The following ZNF148 variants were observed in gnomAD, a reference collection of about 807,000 sequenced individuals.
The protein encoded by ZNF148 is zinc finger protein 148.
ZNF148 carries 7 observed loss-of-function variants against 67.7 expected under a neutral mutation model. The ratio of observed to expected loss-of-function variants is 0.10; its 90% CI spans 0.06 to 0.19. ZNF148 has a LOEUF of 0.19. Among genes scored for constraint, ZNF148 ranks in the 10% least tolerant of loss-of-function variants. ZNF148 has a pLI of 1.00. For missense variants in ZNF148, 583 were observed against 947.1 expected (o/e 0.62, Z 5.05); for synonymous variants, 333 against 330.7 (o/e 1.01, Z -0.08).
intron 1 of ZNF148, chr3:125,344,540 G>A: frequency 9.1e-7 from 1 of 1,100,456 alleles, no homozygotes; most frequent in South Asian, 1.2e-5. Context: ...AACTCAAATG[G>A]ACTGTCAAAA....
At chr3:125,254,499 C>T (rs1312759716) in intron 7 of ZNF148, among the ~76,000 whole-genome samples, 3 of 152,186 alleles carry the variant, frequency 2.0e-5, no homozygotes, top group Non-Finnish European at 2.9e-5. Context: ...CTATGTGAAT[C>T]TGTCTACTTC....
chr3:125,297,573 T>C (rs1192562673), intron 4 of ZNF148, among the ~76,000 whole-genome samples: 2 of 151,116 alleles, frequency 1.3e-5, no homozygotes, highest in Non-Finnish European at 2.9e-5. Context: ...AGAAACAACC[T>C]ACTAGAAAAT....
intron 1 of ZNF148, among the ~76,000 whole-genome samples, chr3:125,333,366 A>C (rs901399635): frequency 6.6e-6 from 1 of 152,224 alleles, no homozygotes; most frequent in Non-Finnish European, 1.5e-5. Context: ...GAAATTCTGG[A>C]ATGTCTTTCC....
chr3:125,228,242 G>C lies in ZNF148; in HGVS notation c.*4099C>G, dbSNP rs1310675656. 1 of 152,576 alleles carries C rather than the reference G, an allele frequency of 6.6e-6. No homozygotes were observed. Among genetic ancestry groups the C allele is most frequent in the Non-Finnish European group, 1.5e-5 (1 of 68,028 alleles). 9.5% of individuals were successfully genotyped at this position (152,576 alleles called of 1,614,324 possible). On this transcript the variant is annotated 3_prime_UTR_variant, in exon 9 of 9. Coordinates refer to ENST00000360647, the MANE Select transcript of ZNF148 (RefSeq NM_021964.3). Reference sequence around the variant, plus strand: ...AAAAAAAACCACATCCCTTCCTTCAGTGTGATGGGCACTAAGTTTTGCGGT... The same window carrying C: ...AAAAAAAACCACATCCCTTCCTTCACTGTGATGGGCACTAAGTTTTGCGGT...
At chr3:125,333,025 C>T (rs1941351529) in intron 1 of ZNF148, among the ~76,000 whole-genome samples, 1 of 152,160 alleles carries the variant, frequency 6.6e-6, no homozygotes, top group South Asian at 2.1e-4. Flanking sequence ...TCACATTATG[C>T]ATTTTAACAT....
rs144891753 is a variant in ZNF148 at position 125,344,021 on chromosome 3, A to G, written c.-233-12783T>C. ...AATGTTCAAAAAAAATGTTCCTGTT[A>G]ATCTTCAAATGGTGCTTGTTATAGT... On this transcript the variant is annotated intron_variant, in intron 1 of 8. Transcript: ENST00000360647. 8.4e-5 allele frequency: 14 copies of G among 166,848 alleles called. 1 individual carries two copies. The East Asian group carries it at 2.6e-3, about 31-fold the overall frequency. 10.3% of individuals were successfully genotyped at this position (166,848 alleles called of 1,614,324 possible). A position where few individuals can be genotyped will look rare whatever the true frequency, so the allele number is the denominator to read the frequency against.
intron 7 of ZNF148, among the ~76,000 whole-genome samples, chr3:125,273,249 C>T (rs1054885204): frequency 1.3e-5 from 2 of 152,112 alleles, no homozygotes; most frequent in Non-Finnish European, 2.9e-5. Flanking sequence ...CTATTTAATA[C>T]AGCTATTTAA....
chr3:125,289,159 C>T (rs1938868921), intron 4 of ZNF148, among the ~76,000 whole-genome samples: 1 of 152,104 alleles, frequency 6.6e-6, no homozygotes, highest in South Asian at 2.1e-4. Flanking sequence ...CAGTAAAGAT[C>T]CTTGAGAATA....
At chr3:125,316,395 AT>A (rs1940494380) in intron 3 of ZNF148, among the ~76,000 whole-genome samples, 2 of 152,290 alleles carry the variant, frequency 1.3e-5, no homozygotes, top group South Asian at 4.1e-4. Flanking sequence ...TGCTAGCTCA[AT>A]TTTTAGTTTT....
At chr3:125,235,740 C>T (rs1936055574) in intron 7 of ZNF148, among the ~76,000 whole-genome samples, 1 of 151,894 alleles carries the variant, frequency 6.6e-6, no homozygotes, top group Non-Finnish European at 1.5e-5. Flanking sequence ...GAAAATGTGG[C>T]ACATATACAC....
intron 5 of ZNF148, among the ~76,000 whole-genome samples, chr3:125,287,273 T>A (rs1048750312): frequency 6.6e-6 from 1 of 152,138 alleles, no homozygotes; most frequent in African/African-American, 2.4e-5. Context: ...AATGCAAATA[T>A]GCTGCAGAGA....
intron 7 of ZNF148, among the ~76,000 whole-genome samples, chr3:125,260,394 T>C (rs1028684010): frequency 1.3e-5 from 2 of 152,124 alleles, no homozygotes; most frequent in Admixed American, 1.3e-4. Context: ...CCCAGCAATA[T>C]CACTCCAAGG....
intron 3 of ZNF148, 85 bp from the exon 4 acceptor site, chr3:125,313,741 AC>A: frequency 9.4e-7 from 1 of 1,058,614 alleles, no homozygotes; most frequent in South Asian, 1.7e-5. Flanking sequence ...AAGAATTTGA[AC>A]ATTCAAATAC....
intron 7 of ZNF148, among the ~76,000 whole-genome samples, chr3:125,250,966 A>T (rs958107209): frequency 2.0e-5 from 3 of 152,140 alleles, no homozygotes; most frequent in Non-Finnish European, 4.4e-5. Context: ...CTCGCTTATC[A>T]CCCAGCTTCA....
intron 7 of ZNF148, among the ~76,000 whole-genome samples, chr3:125,236,756 C>T (rs900416473): frequency 4.6e-5 from 7 of 152,132 alleles, no homozygotes; most frequent in Non-Finnish European, 7.3e-5. Flanking sequence ...CCCACACGGA[C>T]GGCTGCTGAT....
intron 1 of ZNF148, among the ~76,000 whole-genome samples, chr3:125,373,199 C>G (rs979440750): frequency 2.7e-5 from 4 of 150,870 alleles, no homozygotes; most frequent in African/African-American, 9.7e-5. Flanking sequence ...AATCCCAGCA[C>G]TTTGAGAGGC....
At chr3:125,353,545 G>A (rs972938403) in intron 1 of ZNF148, among the ~76,000 whole-genome samples, 6 of 152,124 alleles carry the variant, frequency 3.9e-5, no homozygotes, top group African/African-American at 1.2e-4. Context: ...AGATGTCTGG[G>A]TGAAGGGTAC....
chr3:125,293,668 T>C (rs1939137341), intron 4 of ZNF148, among the ~76,000 whole-genome samples: 1 of 152,124 alleles, frequency 6.6e-6, no homozygotes, highest in Non-Finnish European at 1.5e-5. Flanking sequence ...GCAACAACAG[T>C]ACTGGATTAT....
intron 1 of ZNF148, among the ~76,000 whole-genome samples, chr3:125,355,217 A>G (rs1182012041): frequency 1.3e-5 from 2 of 152,238 alleles, no homozygotes; most frequent in Non-Finnish European, 2.9e-5. Context: ...AATATACATG[A>G]TATAGAGATA....
Sources: allele counts gnomAD v4.1 joint callset (sites outside exome capture counted in the v4.1 genomes callset), GRCh38; gene constraint gnomAD v4.1.1; transcripts MANE v1.5; gene names NCBI Gene and HGNC (gene_info 2026-07-23, HGNC 2026-07-21).